Variants in KCND3 observed in about 807,000 individuals in gnomAD.
KCND3 encodes potassium voltage-gated channel subfamily D member 3, also known as A-type voltage-gated potassium channel KCND3.
KCND3 carries 9 observed loss-of-function variants against 51.1 expected under a neutral mutation model. That is an observed-to-expected ratio of 0.18 (90% CI 0.11 to 0.31). The LOEUF is 0.31. Ranked by LOEUF, KCND3 falls within the 10% of genes least tolerant of loss-of-function variation. The probability of loss-of-function intolerance (pLI) is 1.00; values close to 1 mark genes in which losing one functional copy is unlikely to be tolerated. For synonymous variants in KCND3, 349 were observed against 368.0 expected (o/e 0.95, Z 0.59); for missense variants, 526 against 903.8 (o/e 0.58, Z 5.36).
chr1:111,941,178 A>C (rs1360957829), intron 2 of KCND3, among the ~76,000 whole-genome samples: 1 of 152,106 alleles, frequency 6.6e-6, no homozygotes. Flanking sequence ...GCTGGTAACC[A>C]ACTTCACAGA....
At chr1:111,806,170 A>T (rs7542333) in intron 2 of KCND3, among the ~76,000 whole-genome samples, 12,432 of 152,212 alleles carry the variant, frequency 0.082, 886 homozygotes, top group African/African-American at 0.18. Flanking sequence ...CTGTCTCCCA[A>T]AGAACGGGGT....
intron 2 of KCND3, among the ~76,000 whole-genome samples, chr1:111,792,899 T>C (rs1664897522): frequency 6.7e-6 from 1 of 148,282 alleles, no homozygotes; most frequent in South Asian, 2.1e-4. Context: ...TATAAAATTA[T>C]ATATATTATA....
intron 3 of KCND3, among the ~76,000 whole-genome samples, chr1:111,782,282 AG>A (rs2101476619): frequency 6.6e-6 from 1 of 152,338 alleles, no homozygotes; most frequent in East Asian, 1.9e-4. Flanking sequence ...ATCTCCTTGC[AG>A]AAACAATTCA....
intron 2 of KCND3, among the ~76,000 whole-genome samples, chr1:111,878,288 T>C (rs760985576): frequency 2.0e-5 from 3 of 152,232 alleles, no homozygotes; most frequent in Non-Finnish European, 4.4e-5. Flanking sequence ...TGAAATGCGC[T>C]TCCCTCCTGC....
At chr1:111,955,574 G>A (rs760019096) in intron 2 of KCND3, among the ~76,000 whole-genome samples, 9 of 152,148 alleles carry the variant, frequency 5.9e-5, no homozygotes, top group East Asian at 5.8e-4. Flanking sequence ...TTACATGTGC[G>A]TCTCCCTCGC....
At chr1:111,858,318 GT>G (rs1302629666) in intron 2 of KCND3, among the ~76,000 whole-genome samples, 3 of 152,172 alleles carry the variant, frequency 2.0e-5, no homozygotes, top group African/African-American at 7.2e-5. Context: ...AAAGTGTCCA[GT>G]TCTCTCCTCT....
chr1:111,831,857 C>T (rs1207583152), intron 2 of KCND3, among the ~76,000 whole-genome samples: 5 of 152,152 alleles, frequency 3.3e-5, no homozygotes, highest in African/African-American at 1.2e-4. Flanking sequence ...ATCCTTGAGG[C>T]CAGGAATGGG....
intron 2 of KCND3, among the ~76,000 whole-genome samples, chr1:111,790,785 G>C (rs143085617): frequency 4.1e-4 from 63 of 152,300 alleles, no homozygotes; most frequent in African/African-American, 1.5e-3. Flanking sequence ...CGTCTCTATA[G>C]ATGTCCCCGT....
intron 2 of KCND3, among the ~76,000 whole-genome samples, chr1:111,865,332 T>C (rs1161993964): frequency 6.6e-6 from 1 of 152,222 alleles, no homozygotes; most frequent in Middle Eastern, 3.2e-3. Context: ...TAGGTACTGA[T>C]ACAGTATTTT....
intron 2 of KCND3, among the ~76,000 whole-genome samples, chr1:111,791,241 T>C (rs1056370666): frequency 8.5e-5 from 13 of 152,192 alleles, no homozygotes; most frequent in African/African-American, 2.9e-4. Flanking sequence ...CTGGTGGGTG[T>C]TATCTCATTG....
chr1:111,842,290 G>A (rs1667358660), intron 2 of KCND3, among the ~76,000 whole-genome samples: 1 of 152,218 alleles, frequency 6.6e-6, no homozygotes, highest in African/African-American at 2.4e-5. Context: ...CCCACCCTGA[G>A]CGGGCCATGC....
chr1:111,817,421 T>A (rs1666148433), intron 2 of KCND3, among the ~76,000 whole-genome samples: 1 of 152,230 alleles, frequency 6.6e-6, no homozygotes, highest in African/African-American at 2.4e-5. Context: ...CACCTGAGTG[T>A]CACTCAGTAG....
intron 2 of KCND3, among the ~76,000 whole-genome samples, chr1:111,856,644 C>T (rs1406751192): frequency 1.3e-5 from 2 of 152,250 alleles, no homozygotes; most frequent in African/African-American, 4.8e-5. Flanking sequence ...GCCAGCCCCA[C>T]CTGCCAAAGG....
At chr1:111,887,488 G>C (rs1286283976) in intron 2 of KCND3, among the ~76,000 whole-genome samples, 1 of 152,184 alleles carries the variant, frequency 6.6e-6, no homozygotes, top group Non-Finnish European at 1.5e-5. Context: ...CTGGGGCCCA[G>C]CTGGGCCAGC....
chr1:111,917,506 T>C (rs1274619994), intron 2 of KCND3, among the ~76,000 whole-genome samples: 2 of 152,184 alleles, frequency 1.3e-5, no homozygotes, highest in Non-Finnish European at 2.9e-5. Flanking sequence ...AATGGGGATC[T>C]ATCCATTGAT....
chr1:111,965,892 A>G (rs540123565), intron 2 of KCND3, among the ~76,000 whole-genome samples: 1 of 152,196 alleles, frequency 6.6e-6, no homozygotes, highest in Non-Finnish European at 1.5e-5. Flanking sequence ...ATGTCCACTG[A>G]GCCCCTCTGT....
At chr1:111,828,325 C>T (rs1235567394) in intron 2 of KCND3, among the ~76,000 whole-genome samples, 1 of 152,282 alleles carries the variant, frequency 6.6e-6, no homozygotes, top group East Asian at 1.9e-4. Context: ...CTACCTGTGG[C>T]CATCTCAAAA....
chr1:111,968,823 C>T (rs1044527527), intron 2 of KCND3, among the ~76,000 whole-genome samples: 5 of 152,056 alleles, frequency 3.3e-5, no homozygotes, highest in Admixed American at 1.3e-4. Context: ...AGGAGGGGAT[C>T]GGCTGAAAGG....
At chr1:111,782,932 C>T (rs1664446535) in intron 3 of KCND3, among the ~76,000 whole-genome samples, 1 of 152,076 alleles carries the variant, frequency 6.6e-6, no homozygotes, top group South Asian at 2.1e-4. Context: ...GTTTTGAGCT[C>T]TTGGGGGCTG....
Sources: gnomAD v4.1 joint callset for allele counts (sites outside exome capture counted in the v4.1 genomes callset) on GRCh38, gnomAD v4.1.1 for gene constraint, MANE v1.5 for transcripts, NCBI Gene and HGNC (gene_info 2026-07-23, HGNC 2026-07-21) for gene names.